Variants in SYN3 observed in about 807,000 individuals in gnomAD.
SYN3 encodes synapsin-3.
A neutral mutation model predicts 65.8 loss-of-function variants in SYN3; 35 were observed. The observed-to-expected ratio is 0.53, with a 90% CI of 0.41 to 0.70. The LOEUF (loss-of-function observed/expected upper bound fraction) is 0.70, where lower values mean the gene tolerates loss of function less well. Among genes scored for constraint, SYN3 ranks in the 30% least tolerant of loss-of-function variants. The pLI is 0.00. For synonymous variants in SYN3, 270 were observed against 292.9 expected (o/e 0.92, Z 0.80); for missense variants, 680 against 749.0 (o/e 0.91, Z 1.08).
intron 3 of SYN3, among the ~76,000 whole-genome samples, chr22:32,944,413 C>T (rs2051039474): frequency 6.6e-6 from 1 of 152,128 alleles, no homozygotes; most frequent in South Asian, 2.1e-4. Flanking sequence ...AAACGTAATC[C>T]AGCATATAAA....
chr22:32,974,752 G>A (rs2052131044), intron 3 of SYN3, among the ~76,000 whole-genome samples: 2 of 152,140 alleles, frequency 1.3e-5, no homozygotes, highest in Admixed American at 1.3e-4. Flanking sequence ...CAGGTTTTAG[G>A]GGAGTAGCAA....
At chr22:32,878,289 G>T (rs2049033523) in intron 4 of SYN3, among the ~76,000 whole-genome samples, 1 of 152,162 alleles carries the variant, frequency 6.6e-6, no homozygotes, top group South Asian at 2.1e-4. Flanking sequence ...GTCATGTGCA[G>T]TTCTTCTCCC....
At chr22:32,538,277 A>G (rs1046520921) in intron 8 of SYN3, among the ~76,000 whole-genome samples, 167 bp from the exon 9 acceptor site, 1 of 152,118 alleles carries the variant, frequency 6.6e-6, no homozygotes. Context: ...TCCTATGTTT[A>G]TTTCCCTTCA....
chr22:32,911,043 G>T (rs1395183576), intron 4 of SYN3, among the ~76,000 whole-genome samples: 1 of 152,172 alleles, frequency 6.6e-6, no homozygotes, highest in African/African-American at 2.4e-5. Context: ...CTTGACCCAA[G>T]AAGTCACACA....
intron 2 of SYN3, among the ~76,000 whole-genome samples, chr22:33,002,966 T>A (rs1026591062): frequency 7.9e-5 from 12 of 152,108 alleles, no homozygotes; most frequent in Non-Finnish European, 1.3e-4. Context: ...CTGCTGCTCT[T>A]GTGGTAGCGA....
chr22:32,531,670 G>A (rs1431810927), intron 10 of SYN3, among the ~76,000 whole-genome samples: 2 of 135,118 alleles, frequency 1.5e-5, no homozygotes, highest in African/African-American at 2.8e-5. Context: ...CAGTGTTTTG[G>A]GATCTCTTCT....
At chr22:32,763,902 A>C (rs1459815147) in intron 6 of SYN3, among the ~76,000 whole-genome samples, 2 of 150,346 alleles carry the variant, frequency 1.3e-5, no homozygotes, top group Non-Finnish European at 2.9e-5. Context: ...ATTGCTGCTG[A>C]TGACTGATGC....
At chr22:32,857,193 T>C (rs2048393196) in intron 6 of SYN3, 1 of 1,323,852 alleles carries the variant, frequency 7.6e-7, no homozygotes, top group African/African-American at 1.5e-5. Flanking sequence ...GGATTAGGGA[T>C]CATACGGGTG....
chr22:33,029,461 G>C (rs1470945043), intron 1 of SYN3, among the ~76,000 whole-genome samples: 1 of 152,114 alleles, frequency 6.6e-6, no homozygotes, highest in Non-Finnish European at 1.5e-5. Flanking sequence ...GGGATTACAG[G>C]TGTGAGCCAC....
At chr22:32,904,862 AG>A (rs1050892576) in intron 4 of SYN3, among the ~76,000 whole-genome samples, 2 of 152,214 alleles carry the variant, frequency 1.3e-5, no homozygotes, top group African/African-American at 4.8e-5. Context: ...ATAAAGTGTC[AG>A]TGTTGTAAGG....
chr22:32,588,875 A>G (rs1354771927), intron 7 of SYN3, among the ~76,000 whole-genome samples: 1 of 152,178 alleles, frequency 6.6e-6, no homozygotes, highest in East Asian at 1.9e-4. Flanking sequence ...GAACCAGGGA[A>G]GAGGCAAAAG....
At chr22:32,731,238 G>T (rs1032948187) in intron 6 of SYN3, among the ~76,000 whole-genome samples, 1 of 152,190 alleles carries the variant, frequency 6.6e-6, no homozygotes, top group East Asian at 1.9e-4. Flanking sequence ...GTCAAGAGCT[G>T]CCCTTTGGTG....
chr22:32,762,040 T>G (rs2045496135), intron 6 of SYN3, among the ~76,000 whole-genome samples: 1 of 152,036 alleles, frequency 6.6e-6, no homozygotes, highest in African/African-American at 2.4e-5. Flanking sequence ...ATGGCATCGG[T>G]TTTCTCATTT....
At chr22:32,831,159 T>C (rs956801403) in intron 6 of SYN3, among the ~76,000 whole-genome samples, 2 of 152,158 alleles carry the variant, frequency 1.3e-5, no homozygotes, top group African/African-American at 4.8e-5. Flanking sequence ...GCCTCAAGCA[T>C]GTCCTTCAGG....
At chr22:32,650,526 A>T (rs1420844096) in intron 6 of SYN3, among the ~76,000 whole-genome samples, 1 of 152,026 alleles carries the variant, frequency 6.6e-6, no homozygotes, top group Non-Finnish European at 1.5e-5. Context: ...TCAGCCTCCC[A>T]AAGTGCTGGG....
At chr22:32,794,049 C>A (rs1227710529) in intron 6 of SYN3, among the ~76,000 whole-genome samples, 1 of 152,220 alleles carries the variant, frequency 6.6e-6, no homozygotes, top group Non-Finnish European at 1.5e-5. Flanking sequence ...CAAGAGCCTG[C>A]AGTTGGCATT....
intron 1 of SYN3, among the ~76,000 whole-genome samples, chr22:33,027,558 C>G (rs924775575): frequency 2.0e-5 from 3 of 151,528 alleles, no homozygotes; most frequent in African/African-American, 4.9e-5. Flanking sequence ...GATTACACCA[C>G]TGCACTCCAG....
chr22:32,517,859 A>G (rs2057804115), intron 13 of SYN3, among the ~76,000 whole-genome samples, 184 bp downstream of exon 13: 1 of 152,142 alleles, frequency 6.6e-6, no homozygotes, highest in South Asian at 2.1e-4. Flanking sequence ...TGTCTAATCT[A>G]TACTCTCACC....
At chr22:32,805,199 G>T (rs2046695445) in intron 6 of SYN3, among the ~76,000 whole-genome samples, 1 of 152,122 alleles carries the variant, frequency 6.6e-6, no homozygotes, top group South Asian at 2.1e-4. Context: ...TTCGGGGCCT[G>T]CCTCTGAGCC....
Sources: gnomAD v4.1 joint callset for allele counts (sites outside exome capture counted in the v4.1 genomes callset) on GRCh38, gnomAD v4.1.1 for gene constraint, MANE v1.5 for transcripts, NCBI Gene and HGNC (gene_info 2026-07-23, HGNC 2026-07-21) for gene names.